The following ASCC1 variants were observed in gnomAD, a reference collection of about 807,000 sequenced individuals.
ASCC1 encodes activating signal cointegrator 1 complex subunit 1.
A neutral mutation model predicts 46.6 loss-of-function variants in ASCC1; 35 were observed. The observed-to-expected ratio is 0.75, with a 90% CI of 0.57 to 0.99. The LOEUF (loss-of-function observed/expected upper bound fraction) is 0.99. Among genes scored for constraint, ASCC1 ranks in the 50% least tolerant of loss-of-function variants. The pLI is 0.00. For synonymous variants in ASCC1, 143 were observed against 146.6 expected, an observed-to-expected ratio of 0.98 and a Z score of 0.18; for missense variants, 376 against 428.7, an observed-to-expected ratio of 0.88 and a Z score of 1.09.
chr10:72,186,606 T>C (rs187780103), intron 5 of ASCC1, among the ~76,000 whole-genome samples: 116 of 152,324 alleles, frequency 7.6e-4, no homozygotes, highest in African/African-American at 2.6e-3. Flanking sequence ...CAGGCTTTCA[T>C]AGCCATCTTC....
At chr10:72,131,009 A>G (rs1260137940) in intron 8 of ASCC1, among the ~76,000 whole-genome samples, 1 of 152,236 alleles carries the variant, frequency 6.6e-6, no homozygotes, top group Non-Finnish European at 1.5e-5. Context: ...TACACTGTTC[A>G]GAATAAAACA....
At chr10:72,163,787 T>C (rs1850001621) in intron 5 of ASCC1, among the ~76,000 whole-genome samples, 1 of 151,890 alleles carries the variant, frequency 6.6e-6, no homozygotes, top group East Asian at 1.9e-4. Context: ...ATATACCTCA[T>C]GAATCCCTAA....
At chr10:72,194,663 TAATAG>T (rs1855091056) in intron 5 of ASCC1, among the ~76,000 whole-genome samples, 1 of 152,194 alleles carries the variant, frequency 6.6e-6, no homozygotes, top group African/African-American at 2.4e-5. Context: ...CATATCCATA[TAATAG>T]AACAGTAGGT....
At chr10:72,123,428 G>A (rs2132167798) in intron 9 of ASCC1, among the ~76,000 whole-genome samples, 1 of 152,024 alleles carries the variant, frequency 6.6e-6, no homozygotes, top group South Asian at 2.1e-4. Flanking sequence ...TAATGTAAAC[G>A]GCGGACCATG....
chr10:72,177,754 T>C (rs1288145628), intron 5 of ASCC1, among the ~76,000 whole-genome samples: 17 of 152,236 alleles, frequency 1.1e-4, no homozygotes, highest in Admixed American at 9.2e-4. Flanking sequence ...GGTTGTAATA[T>C]ACTTCTTGAA....
intron 7 of ASCC1, among the ~76,000 whole-genome samples, chr10:72,146,949 T>C (rs1191255076): frequency 6.6e-6 from 1 of 151,980 alleles, no homozygotes; most frequent in Non-Finnish European, 1.5e-5. Context: ...AAAGATTGAA[T>C]GGTCCTTAAA....
chr10:72,203,297 A>AAAAAAG (rs1856757689), intron 4 of ASCC1, 130 bp downstream of exon 4: 1 of 794,906 alleles, frequency 1.3e-6, no homozygotes, highest in South Asian at 1.5e-5. Context: ...AAAAAAAAAA[A>AAAAAAG]AAAAGAAAAG....
chr10:72,122,395 G>A (rs1370556258), intron 9 of ASCC1, among the ~76,000 whole-genome samples: 1 of 150,746 alleles, frequency 6.6e-6, no homozygotes. Context: ...ACTCCAGCCT[G>A]GGCAACAGAA....
At chr10:72,132,985 T>G in intron 8 of ASCC1, 72 bp downstream of exon 8, 4 of 1,599,056 alleles carry the variant, frequency 2.5e-6, no homozygotes, top group Non-Finnish European at 3.4e-6. Context: ...TGATAGCTCA[T>G]TCTACCTAAA....
chr10:72,122,419 CAAAA>C (rs1210357975), intron 9 of ASCC1, among the ~76,000 whole-genome samples: 1 of 72,224 alleles, frequency 1.4e-5, no homozygotes, highest in East Asian at 4.4e-4. Flanking sequence ...GACGCAGTCT[CAAAA>C]AAAAAAAAAA....
chr10:72,137,205 C>T (rs1277199541), intron 7 of ASCC1, among the ~76,000 whole-genome samples: 1 of 151,752 alleles, frequency 6.6e-6, no homozygotes, highest in Non-Finnish European at 1.5e-5. Flanking sequence ...TGTGAGCCAC[C>T]ATGCCAGGCC....
At chr10:72,136,888 A>G (rs1273562300) in intron 7 of ASCC1, among the ~76,000 whole-genome samples, 1 of 151,994 alleles carries the variant, frequency 6.6e-6, no homozygotes, top group Non-Finnish European at 1.5e-5. Context: ...GAAGTCAGCA[A>G]GACCACGAAC....
At position 72,194,461 on chromosome 10, in the gene ASCC1, A is replaced by G. The variant is rs60344798; in HGVS notation, c.489+2350T>C. Among the ~76,000 whole-genome samples, 535 of 152,074 alleles carry G rather than the reference A, an allele frequency of 3.5e-3. 2 individuals carry two copies. Among genetic ancestry groups the G allele is most frequent in the African/African-American group, 0.012 (480 of 41,548 alleles). Reference sequence around the variant, plus strand: ...ACTCTAGTTTGGAGCATAAAGTGCTATAAGATTTCCTGAAGGTAATCTGGA... The same window carrying G: ...ACTCTAGTTTGGAGCATAAAGTGCTGTAAGATTTCCTGAAGGTAATCTGGA... On this transcript the variant is annotated intron_variant, in intron 5 of 9. Coordinates refer to ENST00000672957, the MANE Select transcript of ASCC1 (RefSeq NM_001198800.3).
chr10:72,171,560 G>A (rs1415874148), intron 5 of ASCC1, among the ~76,000 whole-genome samples: 2 of 152,084 alleles, frequency 1.3e-5, no homozygotes, highest in South Asian at 2.1e-4. Flanking sequence ...CTGAGTAGCT[G>A]GGATTACAGG....
chr10:72,179,068 T>C (rs969123034), intron 5 of ASCC1, among the ~76,000 whole-genome samples: 1 of 152,152 alleles, frequency 6.6e-6, no homozygotes, highest in South Asian at 2.1e-4. Flanking sequence ...AGTATATGAT[T>C]TGAATAATAA....
intron 9 of ASCC1, among the ~76,000 whole-genome samples, chr10:72,107,935 G>A (rs918481806): frequency 6.6e-6 from 1 of 152,196 alleles, no homozygotes; most frequent in South Asian, 2.1e-4. Context: ...AATAAACAGT[G>A]CCAGAGAAGA....
At chr10:72,108,644 T>C (rs1340555644) in intron 9 of ASCC1, among the ~76,000 whole-genome samples, 2 of 152,222 alleles carry the variant, frequency 1.3e-5, no homozygotes, top group African/African-American at 4.8e-5. Flanking sequence ...CTTTCCATTA[T>C]TGCTGGTCGA....
chr10:72,169,790 A>G (rs151222765), intron 5 of ASCC1, among the ~76,000 whole-genome samples: 1 of 152,340 alleles, frequency 6.6e-6, no homozygotes, highest in African/African-American at 2.4e-5. Flanking sequence ...TTTTAAATGA[A>G]TATCAAATCC....
At chr10:72,213,571 C>G (rs551942796) in intron 1 of ASCC1, among the ~76,000 whole-genome samples, 1 of 150,420 alleles carries the variant, frequency 6.6e-6, no homozygotes, top group African/African-American at 2.4e-5. Flanking sequence ...ATCACCCCCC[C>G]CCCAAAAATG....
Sources: gnomAD v4.1 joint callset for allele counts (sites outside exome capture counted in the v4.1 genomes callset) on GRCh38, gnomAD v4.1.1 for gene constraint, MANE v1.5 for transcripts, NCBI Gene and HGNC (gene_info 2026-07-23, HGNC 2026-07-21) for gene names.